Variants in TNR observed in about 807,000 individuals in gnomAD.
TNR encodes tenascin R.
TNR carries 45 observed loss-of-function variants against 150.4 expected under a neutral mutation model. The ratio of observed to expected loss-of-function variants is 0.30; its 90% confidence interval spans 0.24 to 0.38. The LOEUF is 0.38. Ranked by LOEUF, TNR falls within the 10% of genes least tolerant of loss-of-function variation. The pLI is 1.00. For synonymous variants in TNR, 687 were observed against 678.4 expected (o/e 1.01, Z -0.20); for missense variants, 1,544 against 1,759.1 (o/e 0.88, Z 2.19).
At chr1:175,550,247 C>A (rs187383174) in intron 1 of TNR, among the ~76,000 whole-genome samples, 2 of 152,268 alleles carry the variant, frequency 1.3e-5, no homozygotes, top group East Asian at 3.9e-4. Flanking sequence ...CACTGCAAAC[C>A]GGAAGACTAG....
intron 2 of TNR, among the ~76,000 whole-genome samples, chr1:175,471,704 A>G (rs1424395535): frequency 1.3e-5 from 2 of 152,160 alleles, no homozygotes; most frequent in Non-Finnish European, 2.9e-5. Flanking sequence ...ATCACCATAC[A>G]CTGCTGCAGG....
intron 1 of TNR, among the ~76,000 whole-genome samples, chr1:175,703,716 T>C (rs939718567): frequency 2.0e-5 from 3 of 152,052 alleles, no homozygotes; most frequent in African/African-American, 4.8e-5. Flanking sequence ...CCAATAAACA[T>C]ATGAAAAGAT....
At chr1:175,678,454 A>G (rs1310717304) in intron 1 of TNR, among the ~76,000 whole-genome samples, 2 of 152,220 alleles carry the variant, frequency 1.3e-5, no homozygotes, top group Non-Finnish European at 2.9e-5. Flanking sequence ...CACATGGGCC[A>G]GTCTGCAGGC....
At chr1:175,570,766 A>C (rs890255409) in intron 1 of TNR, among the ~76,000 whole-genome samples, 4 of 152,078 alleles carry the variant, frequency 2.6e-5, no homozygotes, top group African/African-American at 7.2e-5. Context: ...AGTCATCAAA[A>C]TTAAATTGCA....
intron 1 of TNR, among the ~76,000 whole-genome samples, chr1:175,712,804 G>A (rs770834632): frequency 1.3e-5 from 2 of 152,118 alleles, no homozygotes; most frequent in East Asian, 3.8e-4. Flanking sequence ...CTGAGCAGAT[G>A]CCAGCACCAT....
chr1:175,430,613 C>T (rs994809123), intron 2 of TNR, among the ~76,000 whole-genome samples: 5 of 152,134 alleles, frequency 3.3e-5, no homozygotes, highest in East Asian at 1.9e-4. Context: ...CAGTTCTTAG[C>T]GGTAGAGCTG....
chr1:175,437,934 A>T (rs1655589563), intron 2 of TNR, among the ~76,000 whole-genome samples: 1 of 152,230 alleles, frequency 6.6e-6, no homozygotes. Flanking sequence ...TGCCCAGCTG[A>T]ATTCTACCAG....
At chr1:175,513,708 G>A (rs529747552) in intron 2 of TNR, among the ~76,000 whole-genome samples, 1 of 152,176 alleles carries the variant, frequency 6.6e-6, no homozygotes, top group Non-Finnish European at 1.5e-5. Context: ...GAAGAGGGGT[G>A]CTATTGACTG....
At position 175,362,818 on chromosome 1, in the gene TNR, G is replaced by A. The variant is rs547466758; in HGVS notation, c.2708-9C>T. On this transcript the variant is annotated splice_polypyrimidine_tract_variant and intron_variant, in intron 13 of 22. Transcript: ENST00000367674. ...GCTGTCTAGTCGTCCCACTGGAGAA[G>A]AGAAGAATCTACAGTTAAAATTCAG... 6.2e-7 allele frequency: 1 copy of A among 1,613,878 alleles called. No individual in the cohort carries two copies. Among genetic ancestry groups the A allele is most frequent in the East Asian group, 2.2e-5 (1 of 44,860 alleles).
chr1:175,468,160 G>A (rs1442481429), intron 2 of TNR, among the ~76,000 whole-genome samples: 1 of 152,222 alleles, frequency 6.6e-6, no homozygotes, highest in Non-Finnish European at 1.5e-5. Flanking sequence ...AGATTTCCAA[G>A]GGTGGGAACT....
At chr1:175,330,511 G>C (rs1649685706) in intron 20 of TNR, 1 of 288,862 alleles carries the variant, frequency 3.5e-6, no homozygotes, top group African/African-American at 2.2e-5. Flanking sequence ...GACAAGCCCT[G>C]AGCCTCAGGA....
chr1:175,520,650 T>C (rs141941391), intron 2 of TNR, among the ~76,000 whole-genome samples: 1,788 of 152,240 alleles, frequency 0.012, 38 homozygotes, highest in African/African-American at 0.04. Context: ...ATTCTGGCTT[T>C]GTTGCATTGT....
chr1:175,361,512 A>G (rs1359287994), intron 14 of TNR, among the ~76,000 whole-genome samples: 1 of 152,230 alleles, frequency 6.6e-6, no homozygotes, highest in Admixed American at 6.5e-5. Context: ...GAGGATCAGA[A>G]TATCCTGCGC....
chr1:175,549,889 C>G (rs10798398), intron 1 of TNR, among the ~76,000 whole-genome samples: 72,612 of 152,070 alleles, frequency 0.48, 18,102 homozygotes, highest in East Asian at 0.67. Flanking sequence ...GTCTGAGAAC[C>G]TGAGCTAAGT....
chr1:175,672,512 T>C (rs1021206825), intron 1 of TNR, among the ~76,000 whole-genome samples: 3 of 152,100 alleles, frequency 2.0e-5, no homozygotes, highest in African/African-American at 7.3e-5. Flanking sequence ...ATAAACTGTC[T>C]TTGTAAATTA....
At chr1:175,714,620 T>C (rs1171140863) in intron 1 of TNR, among the ~76,000 whole-genome samples, 1 of 152,178 alleles carries the variant, frequency 6.6e-6, no homozygotes, top group East Asian at 1.9e-4. Flanking sequence ...TTGAAAGACC[T>C]TCCTGGGATT....
In TNR at chr1:175,316,374, C is replaced by G. The variant is rs187438714; in HGVS notation, c.*6983G>C. ...CCAAATATTTCCACTGATGTACTCC[C>G]GCAGGGGACTGTGAAGGTGTTTGTA... On this transcript the variant is annotated 3_prime_UTR_variant, in exon 23 of 23. Transcript: ENST00000367674. The G allele has an allele frequency of 6.6e-6, 1 of 152,178 alleles. No homozygotes were observed. Among genetic ancestry groups the G allele is most frequent in the South Asian group, 2.1e-4 (1 of 4,824 alleles). The allele number at this position is 152,178 out of a possible 1,614,324, so 9.4% of individuals were successfully genotyped here. A position where few individuals can be genotyped will look rare whatever the true frequency, so the allele number is the denominator to read the frequency against.
At chr1:175,476,667 T>C (rs1317521504) in intron 2 of TNR, among the ~76,000 whole-genome samples, 1 of 152,242 alleles carries the variant, frequency 6.6e-6, no homozygotes, top group Non-Finnish European at 1.5e-5. Flanking sequence ...TCAGGGGTGC[T>C]GGAAAGTGGA....
chr1:175,621,866 G>T (rs887160458), intron 1 of TNR, among the ~76,000 whole-genome samples: 1 of 152,142 alleles, frequency 6.6e-6, no homozygotes, highest in Non-Finnish European at 1.5e-5. Flanking sequence ...GATTTGTATC[G>T]CACAAAGGTT....
Sources: allele counts gnomAD v4.1 joint callset (sites outside exome capture counted in the v4.1 genomes callset), GRCh38; gene constraint gnomAD v4.1.1; transcripts MANE v1.5; gene names NCBI Gene and HGNC (gene_info 2026-07-23, HGNC 2026-07-21).